Variants in NFKB1 observed in about 807,000 individuals in gnomAD.
NFKB1 encodes the protein nuclear factor NF-kappa-B p105 subunit.
Under a neutral mutation model 105.1 loss-of-function variants are expected in NFKB1, and 9 were observed. The observed-to-expected ratio is 0.09, with a 90% CI of 0.05 to 0.15. The LOEUF (loss-of-function observed/expected upper bound fraction) is 0.15, where lower values mean the gene tolerates loss of function less well. Among genes scored for constraint, NFKB1 ranks in the 10% least tolerant of loss-of-function variants. The pLI, the probability that NFKB1 is intolerant of heterozygous loss-of-function variation, is 1.00. For missense variants in NFKB1, 830 were observed against 1,203.7 expected, an observed-to-expected ratio of 0.69 and a Z score of 4.59; for synonymous variants, 440 against 442.2, an observed-to-expected ratio of 1.00 and a Z score of 0.06.
intron 1 of NFKB1, among the ~76,000 whole-genome samples, chr4:102,510,546 A>G (rs1216731418): frequency 6.6e-6 from 1 of 152,250 alleles, no homozygotes; most frequent in Admixed American, 6.5e-5. Flanking sequence ...AGAAAAATGC[A>G]TGTGAGTAAG....
chr4:102,599,187 T>C (rs1210268238), intron 15 of NFKB1, among the ~76,000 whole-genome samples: 2 of 152,202 alleles, frequency 1.3e-5, no homozygotes, highest in Non-Finnish European at 2.9e-5. Flanking sequence ...ATGGAAATTT[T>C]CGAGCAGTTT....
At chr4:102,586,928 A>G (rs943467560) in intron 11 of NFKB1, among the ~76,000 whole-genome samples, 17 of 152,356 alleles carry the variant, frequency 1.1e-4, no homozygotes, top group African/African-American at 3.8e-4. Context: ...TCGTGCTGCC[A>G]CAGGAGTGTT....
chr4:102,573,208 C>G (rs200317512), intron 6 of NFKB1, among the ~76,000 whole-genome samples: 1 of 151,806 alleles, frequency 6.6e-6, no homozygotes, highest in African/African-American at 2.4e-5. Flanking sequence ...CTCGAGAGGC[C>G]GAGGCAGGAG....
chr4:102,596,900 C>T (rs1180213919), intron 14 of NFKB1, among the ~76,000 whole-genome samples: 4 of 151,864 alleles, frequency 2.6e-5, no homozygotes, highest in Non-Finnish European at 5.9e-5. Flanking sequence ...TTGGTGGCCA[C>T]ATGTGGTGTC....
chr4:102,594,818 G>C (rs758373195), intron 12 of NFKB1, 74 bp from the exon 13 acceptor site: 6 of 1,080,406 alleles, frequency 5.6e-6, no homozygotes, highest in Non-Finnish European at 8.5e-6. Flanking sequence ...TCACCTGAGA[G>C]ACAGACACTA....
chr4:102,535,304 C>T (rs1054077699), intron 4 of NFKB1, among the ~76,000 whole-genome samples: 2 of 152,088 alleles, frequency 1.3e-5, no homozygotes, highest in African/African-American at 4.8e-5. Context: ...ATAAGCATAG[C>T]ACTACAATAA....
chr4:102,606,534 T>A lies in NFKB1; in HGVS notation c.1791T>A (p.Asp597Glu), dbSNP rs755827011. ...TGGCAGTGATCACTAAGCAGGAAGA[T>A]GTGGTGGAGGATTTGCTGAGGGCTG... is the stretch of plus-strand genomic sequence containing the variant. ...LHLAVITKQE[D>E]VVEDLLRAGA... The change falls in exon 17 of 24, where the codon GAT (aspartate) becomes GAA (glutamate). Residue 597 changes from aspartate (D) to glutamate (E), a missense_variant. This residue lies in a region of NFKB1 where 418 missense variants were observed against 575.3 expected (regional missense o/e 0.73). Transcript: ENST00000226574. 1 of 1,614,144 alleles carries A rather than the reference T, an allele frequency of 6.2e-7. No homozygotes were observed. Among genetic ancestry groups the A allele is most frequent in the East Asian group, 2.2e-5 (1 of 44,874 alleles).
chr4:102,537,635 G>A (rs561446248), intron 4 of NFKB1: 108 of 380,236 alleles, frequency 2.8e-4, no homozygotes, highest in African/African-American at 2.2e-3. Context: ...TTAGGTACCT[G>A]GCTTTTTAGC....
At chr4:102,583,099 C>G (rs1725443060) in intron 10 of NFKB1, 142 bp downstream of exon 10, 3 of 516,036 alleles carry the variant, frequency 5.8e-6, no homozygotes, top group Non-Finnish European at 1.0e-5. Flanking sequence ...CCTGTCTCAA[C>G]CTACCAAATA....
intron 23 of NFKB1, among the ~76,000 whole-genome samples, chr4:102,614,491 T>C (rs1163743181): frequency 6.6e-6 from 1 of 152,194 alleles, no homozygotes; most frequent in African/African-American, 2.4e-5. Context: ...TACAGTCCAA[T>C]TGCTCTATTC....
chr4:102,546,956 A>G (rs1207064489), intron 5 of NFKB1, among the ~76,000 whole-genome samples: 1 of 152,174 alleles, frequency 6.6e-6, no homozygotes, highest in African/African-American at 2.4e-5. Flanking sequence ...CAAGTCTAGA[A>G]ATGAATATGA....
intron 16 of NFKB1, 70 bp downstream of exon 16, chr4:102,601,079 G>T: frequency 1.0e-6 from 1 of 964,878 alleles, no homozygotes. Flanking sequence ...TTATGTTTGG[G>T]TGCATGTTAT....
intron 5 of NFKB1, among the ~76,000 whole-genome samples, chr4:102,551,371 C>CGT (rs1722586580): frequency 2.3e-5 from 3 of 131,962 alleles, no homozygotes; most frequent in African/African-American, 9.8e-5. Flanking sequence ...TGTGTGTGCG[C>CGT]GCGCGCATGT....
intron 16 of NFKB1, among the ~76,000 whole-genome samples, chr4:102,606,179 T>TAA (rs1727702426): frequency 6.6e-6 from 1 of 152,234 alleles, no homozygotes; most frequent in South Asian, 2.1e-4. Flanking sequence ...TTTAATCATT[T>TAA]TATGTTGTAA....
intron 14 of NFKB1, among the ~76,000 whole-genome samples, chr4:102,596,916 C>T (rs139847024): frequency 1.3e-5 from 2 of 151,870 alleles, no homozygotes; most frequent in African/African-American, 4.8e-5. Flanking sequence ...GTGTCTATCA[C>T]ATATGCTTTT....
At chr4:102,569,456 T>G (rs1445826569) in intron 6 of NFKB1, among the ~76,000 whole-genome samples, 1 of 152,148 alleles carries the variant, frequency 6.6e-6, no homozygotes, top group Non-Finnish European at 1.5e-5. Context: ...TGACATTGAT[T>G]ATTAGTATTT....
chr4:102,560,339 A>T (rs1219249661), intron 5 of NFKB1, among the ~76,000 whole-genome samples: 1 of 152,222 alleles, frequency 6.6e-6, no homozygotes. Flanking sequence ...TCAAAGTATG[A>T]GGGAAAAGAT....
chr4:102,581,300 A>AT (rs1455437561), intron 9 of NFKB1, among the ~76,000 whole-genome samples: 1 of 152,208 alleles, frequency 6.6e-6, no homozygotes, highest in African/African-American at 2.4e-5. Flanking sequence ...AAAGTGTAGT[A>AT]TAATATCTAT....
intron 4 of NFKB1, among the ~76,000 whole-genome samples, chr4:102,536,661 G>T (rs1741657111): frequency 6.6e-6 from 1 of 152,108 alleles, no homozygotes; most frequent in East Asian, 1.9e-4. Flanking sequence ...CTGCATGTTT[G>T]CTGGGGTTCC....
Sources: gnomAD v4.1 joint callset for allele counts (sites outside exome capture counted in the v4.1 genomes callset) on GRCh38, gnomAD v4.1.1 for gene constraint, gnomAD v4.1.1 regional missense constraint, MANE v1.5 for transcripts, NCBI Gene and HGNC (gene_info 2026-07-23, HGNC 2026-07-21) for gene names.